Variants in UTRN observed in about 807,000 individuals in gnomAD.
The protein encoded by UTRN is dystrophin-related protein 1.
UTRN carries 283 observed loss-of-function variants against 463.9 expected under a neutral mutation model. The observed-to-expected ratio is 0.61, with a 90% CI of 0.55 to 0.67. The LOEUF (loss-of-function observed/expected upper bound fraction) is 0.67, where lower values mean the gene tolerates loss of function less well. Ranked by LOEUF, UTRN falls within the 30% of genes least tolerant of loss-of-function variation. The probability of loss-of-function intolerance (pLI) is 0.00; values close to 1 mark genes in which losing one functional copy is unlikely to be tolerated. For synonymous variants in UTRN, 1,442 were observed against 1,431.5 expected (o/e 1.01, Z -0.17); for missense variants, 3,922 against 4,084.3 (o/e 0.96, Z 1.08).
In UTRN at chr6:144,699,473, G is replaced by GTTTTT. The variant is rs71024902; in HGVS notation, c.7653-591_7653-587dup. Among the ~76,000 whole-genome samples, 49 of 67,614 alleles carry GTTTTT rather than the reference G, an allele frequency of 7.2e-4. 4 individuals carry two copies. Among genetic ancestry groups the GTTTTT allele is most frequent in the African/African-American group, 2.2e-3 (41 of 18,262 alleles). The allele number at this position is 67,614 out of a possible 152,430, so 44.4% of individuals were successfully genotyped here. On this transcript the variant is annotated intron_variant, in intron 52 of 74. Coordinates refer to ENST00000367545, the MANE Select transcript of UTRN (RefSeq NM_007124.3). ...AAATAATAATAATAATTAGTCAGTG[G>GTTTTT]TTTTTTTTTTTTTTTTTTTTTTTTT...
chr6:144,764,328 A>C (rs1793033969), intron 58 of UTRN, among the ~76,000 whole-genome samples: 1 of 152,190 alleles, frequency 6.6e-6, no homozygotes, highest in African/African-American at 2.4e-5. Flanking sequence ...CTGGTGTCCT[A>C]GTTAATTGAG....
Position 144,539,394 on chromosome 6 carries a change from G to T in UTRN, c.6470G>T (p.Arg2157Met). ...LSDKSLSLPE[R>M]DKISESLRTV... ...GATAAAAGTCTGAGTTTACCTGAAA[G>T]GGATAAAATTTCAGAAAGCTTAAGG... Residue 2157 changes from arginine to methionine, a missense_variant, in exon 45 of 75, where the codon AGG becomes ATG. Physicochemically the swap from Arg to Met is moderately conservative, Grantham distance 91. Around this residue, in one of 3 missense-constraint regions of UTRN, gnomAD observed 2,349 missense variants for 2,303.8 expected, o/e 1.02. Coordinates refer to ENST00000367545, the MANE Select transcript of UTRN (RefSeq NM_007124.3). 1.2e-6 allele frequency: 2 copies of T among 1,613,280 alleles called. No individual in the cohort carries two copies. The highest frequency in any genetic ancestry group is 2.2e-5 in the South Asian group (2 of 90,982).
intron 61 of UTRN, among the ~76,000 whole-genome samples, chr6:144,783,033 T>A (rs1436105042): frequency 6.6e-6 from 1 of 151,946 alleles, no homozygotes. Context: ...CTGTCTCTAC[T>A]AAAAATACAA....
At chr6:144,530,591 T>C (rs1411960843) in intron 41 of UTRN, among the ~76,000 whole-genome samples, 2 of 152,202 alleles carry the variant, frequency 1.3e-5, no homozygotes, top group African/African-American at 4.8e-5. Context: ...AAGAAAATAA[T>C]GAATCATATT....
chr6:144,469,280 A>G (rs1790262005), intron 23 of UTRN, among the ~76,000 whole-genome samples: 1 of 152,162 alleles, frequency 6.6e-6, no homozygotes, highest in Non-Finnish European at 1.5e-5. Context: ...TAAACACCAA[A>G]ACTTGGATGT....
chr6:144,458,094 A>T (rs1415211541), intron 19 of UTRN, among the ~76,000 whole-genome samples: 2 of 152,228 alleles, frequency 1.3e-5, no homozygotes, highest in African/African-American at 2.4e-5. Flanking sequence ...AAATGATAAG[A>T]TTTCAGTAAT....
At chr6:144,493,499 C>G in intron 33 of UTRN, 43 bp downstream of exon 33, 1 of 1,569,752 alleles carries the variant, frequency 6.4e-7, no homozygotes, top group Non-Finnish European at 8.7e-7. Flanking sequence ...GTCTCTCTCT[C>G]TCTCTCTCTC....
At chr6:144,633,935 A>G (rs763785987) in intron 51 of UTRN, among the ~76,000 whole-genome samples, 1 of 152,212 alleles carries the variant, frequency 6.6e-6, no homozygotes, top group Non-Finnish European at 1.5e-5. Context: ...TATGAGCTAG[A>G]AGGTTTTTGG....
intron 51 of UTRN, among the ~76,000 whole-genome samples, chr6:144,656,751 T>C (rs894795996): frequency 6.6e-6 from 1 of 152,196 alleles, no homozygotes; most frequent in South Asian, 2.1e-4. Context: ...CAGAATGACT[T>C]TGGATATTTA....
chr6:144,737,380 A>G (rs1789543096), intron 54 of UTRN, among the ~76,000 whole-genome samples: 1 of 152,232 alleles, frequency 6.6e-6, no homozygotes, highest in Admixed American at 6.5e-5. Flanking sequence ...ATGAGGAGAA[A>G]GAAATGATAA....
chr6:144,662,257 G>A (rs1779944140), intron 51 of UTRN, among the ~76,000 whole-genome samples: 1 of 152,126 alleles, frequency 6.6e-6, no homozygotes, highest in East Asian at 1.9e-4. Context: ...ATATTGAGAT[G>A]TTGCTTCATT....
At chr6:144,771,829 C>T in intron 58 of UTRN, 78 bp from the exon 59 acceptor site, 1 of 1,154,892 alleles carries the variant, frequency 8.7e-7, no homozygotes, top group Non-Finnish European at 1.2e-6. Context: ...ATCATTTCTA[C>T]TTGGGTATTT....
rs139867641 is a variant in UTRN, at chr6:144,548,699, T to C, written c.6655T>C (p.Ser2219Pro). The change falls in exon 47 of 75, where the codon TCT (serine) becomes CCT (proline). Residue 2219 changes from serine to proline, a missense_variant. This residue lies in a region of UTRN where 2,349 missense variants were observed against 2,303.8 expected (regional missense o/e 1.02). Coordinates refer to ENST00000367545, the MANE Select transcript of UTRN (RefSeq NM_007124.3). ...VSSASDIPVQ[S>P]HRTSEISIPA... ...ATCTGCGTCAGATATTCCTGTTCAG[T>C]CTCATCGTACTTCGGAAATTTCAAT... 7 of 1,614,092 alleles carry C rather than the reference T, an allele frequency of 4.3e-6. No individual in the cohort carries two copies. Among genetic ancestry groups the C allele is most frequent in the Admixed American group, 1.7e-5 (1 of 60,018 alleles).
At position 144,553,293 on chromosome 6, in the gene UTRN, CT is replaced by C. The variant is rs3838688; in HGVS notation, c.6929-1394del. ...CTTCAGGTGATCCACCTGCCTCGGC[CT>C]CCCAAAGTGCTGGGATTACAGGTGT... On this transcript the variant is annotated intron_variant, in intron 48 of 74. Transcript: ENST00000367545. 8.7e-4 allele frequency among the ~76,000 whole-genome samples: 133 copies of C among 152,282 alleles called. 2 individuals carry two copies. In the East Asian group the frequency reaches 0.025, roughly 28 times the overall value.
intron 52 of UTRN, among the ~76,000 whole-genome samples, chr6:144,691,197 A>G (rs1379916318): frequency 5.3e-5 from 8 of 152,196 alleles, no homozygotes; most frequent in Admixed American, 5.2e-4. Flanking sequence ...GCTCACTACA[A>G]CCTCCATCTC....
At chr6:144,840,925 C>G in intron 73 of UTRN, 93 bp downstream of exon 73, 2 of 1,327,626 alleles carry the variant, frequency 1.5e-6, no homozygotes, top group East Asian at 4.8e-5. Context: ...CTTAAGATAA[C>G]AAAAACCTTA....
chr6:144,719,143 T>C (rs892493074), intron 53 of UTRN, among the ~76,000 whole-genome samples: 1 of 152,180 alleles, frequency 6.6e-6, no homozygotes, highest in African/African-American at 2.4e-5. Flanking sequence ...TTCTCAGGTG[T>C]TTTCCTTCCT....
At chr6:144,806,065 T>C (rs1416685762) in intron 65 of UTRN, among the ~76,000 whole-genome samples, 1 of 152,186 alleles carries the variant, frequency 6.6e-6, no homozygotes, top group African/African-American at 2.4e-5. Context: ...AAAGTAAATA[T>C]ATGTTGTTAT....
At chr6:144,296,285 C>T (rs1420357717) in intron 2 of UTRN, among the ~76,000 whole-genome samples, 1 of 152,198 alleles carries the variant, frequency 6.6e-6, no homozygotes, top group East Asian at 1.9e-4. Context: ...AGGAGTGAGA[C>T]TCTATGGTGA....
Sources: allele counts gnomAD v4.1 joint callset (sites outside exome capture counted in the v4.1 genomes callset), GRCh38; gene constraint gnomAD v4.1.1; regional missense constraint gnomAD v4.1.1; transcripts MANE v1.5; gene names NCBI Gene and HGNC (gene_info 2026-07-23, HGNC 2026-07-21).